GAS7: variants seen among roughly 807,000 people sequenced by gnomAD.
GAS7 encodes the protein growth arrest-specific protein 7.
A neutral mutation model predicts 71.1 loss-of-function variants in GAS7; 28 were observed. The observed-to-expected ratio is 0.39, with a 90% CI of 0.29 to 0.54. The LOEUF (loss-of-function observed/expected upper bound fraction) is 0.54, where lower values mean the gene tolerates loss of function less well. GAS7 is among the 20% of genes least tolerant of loss of function. The pLI is 0.62. For missense variants in GAS7, 436 were observed against 627.8 expected, an observed-to-expected ratio of 0.69 and a Z score of 3.27; for synonymous variants, 258 against 245.8, an observed-to-expected ratio of 1.05 and a Z score of -0.46.
chr17:10,123,620 T>C (rs543568028), intron 1 of GAS7, among the ~76,000 whole-genome samples: 1 of 152,334 alleles, frequency 6.6e-6, no homozygotes, highest in Admixed American at 6.5e-5. Flanking sequence ...CTGTTTATCA[T>C]CTCTCAGCAC....
chr17:10,011,972 T>C (rs1394586645), intron 2 of GAS7, among the ~76,000 whole-genome samples: 3 of 129,036 alleles, frequency 2.3e-5, no homozygotes, highest in East Asian at 2.2e-4. Flanking sequence ...TGAAACTCCA[T>C]CTCAAAAAAA....
At chr17:10,184,971 G>A (rs1230251086) in intron 1 of GAS7, among the ~76,000 whole-genome samples, 1 of 149,280 alleles carries the variant, frequency 6.7e-6, no homozygotes, top group African/African-American at 2.5e-5. Context: ...GTCTCACTCA[G>A]GCTGGAGTGC....
intron 1 of GAS7, among the ~76,000 whole-genome samples, chr17:10,165,167 C>A (rs2074284362): frequency 6.6e-6 from 1 of 151,350 alleles, no homozygotes; most frequent in South Asian, 2.1e-4. Context: ...TGGCGGGTGC[C>A]TGTAGTCCCA....
chr17:10,003,869 C>T (rs536599125), intron 2 of GAS7, among the ~76,000 whole-genome samples: 3 of 152,326 alleles, frequency 2.0e-5, no homozygotes, highest in African/African-American at 7.2e-5. Context: ...TCCTCCTACA[C>T]CTCTTGGATG....
intron 5 of GAS7, among the ~76,000 whole-genome samples, chr17:9,956,955 T>C (rs1470413724): frequency 6.6e-6 from 1 of 151,990 alleles, no homozygotes; most frequent in Non-Finnish European, 1.5e-5. Flanking sequence ...AGCGGTGTTG[T>C]GTGGAAGGGA....
rs140418893 is a variant in GAS7, at chr17:10,196,415, G to A, written c.183+1793C>T. Among the ~76,000 whole-genome samples, 145 of 152,322 alleles carry A rather than the reference G, an allele frequency of 9.5e-4. 1 individual carries two copies. The East Asian group carries it at 0.017, about 18-fold the overall frequency. ...GCAGGTGCTCAGAAGTATTGCTCAC[G>A]CAGATGGATGCTTCTGTTGCAAGTT... On this transcript the variant is annotated intron_variant, in intron 1 of 13. Coordinates refer to ENST00000432992, the MANE Select transcript of GAS7 (RefSeq NM_201433.2).
intron 2 of GAS7, among the ~76,000 whole-genome samples, chr17:9,988,529 C>T (rs557283441): frequency 6.6e-6 from 1 of 152,174 alleles, no homozygotes; most frequent in East Asian, 1.9e-4. Context: ...TTTTTCAATG[C>T]CTTCCAGTAC....
At chr17:10,016,203 G>A (rs778347031) in intron 2 of GAS7, among the ~76,000 whole-genome samples, 1 of 151,942 alleles carries the variant, frequency 6.6e-6, no homozygotes, top group Non-Finnish European at 1.5e-5. Flanking sequence ...GGCTAACACG[G>A]TGAAACCCCA....
intron 1 of GAS7, among the ~76,000 whole-genome samples, chr17:10,155,953 T>C (rs1257984540): frequency 6.6e-6 from 1 of 152,210 alleles, no homozygotes; most frequent in Non-Finnish European, 1.5e-5. Context: ...CACACAGGCA[T>C]GGATGAGCAA....
At chr17:10,197,056 G>A (rs2074545731) in intron 1 of GAS7, among the ~76,000 whole-genome samples, 1 of 152,094 alleles carries the variant, frequency 6.6e-6, no homozygotes, top group Non-Finnish European at 1.5e-5. Context: ...TTGTTCTCTG[G>A]ACCTGAAAGC....
At chr17:10,005,102 CATGT>C (rs920304760) in intron 2 of GAS7, among the ~76,000 whole-genome samples, 14 of 150,410 alleles carry the variant, frequency 9.3e-5, no homozygotes, top group African/African-American at 3.4e-4. Context: ...CGCATACATG[CATGT>C]GTGTGCGTGT....
chr17:9,913,058 G>C lies in GAS7; in HGVS notation c.*4170C>G, dbSNP rs558489021. ...TTGCCAGGGAAAGAGGGCAGGAGAA[G>C]GGAATTTTTTGGAGGGTTAAAAACA... On this transcript the variant is annotated 3_prime_UTR_variant, in exon 14 of 14. Coordinates refer to ENST00000432992, the MANE Select transcript of GAS7 (RefSeq NM_201433.2). 4.3e-6 allele frequency: 1 copy of C among 232,646 alleles called. No homozygotes were observed. Among genetic ancestry groups the C allele is most frequent in the East Asian group, 6.1e-5 (1 of 16,484 alleles). 14.4% of individuals were successfully genotyped at this position (232,646 alleles called of 1,614,324 possible). A position where few individuals can be genotyped will look rare whatever the true frequency, so the allele number is the denominator to read the frequency against.
intron 2 of GAS7, among the ~76,000 whole-genome samples, chr17:10,017,623 C>T (rs946396777): frequency 6.6e-6 from 1 of 152,200 alleles, no homozygotes; most frequent in Non-Finnish European, 1.5e-5. Context: ...GCCACCATGC[C>T]TGGCCAGAAC....
At chr17:10,197,178 C>T (rs1377653398) in intron 1 of GAS7, among the ~76,000 whole-genome samples, 1 of 152,130 alleles carries the variant, frequency 6.6e-6, no homozygotes, top group Non-Finnish European at 1.5e-5. Context: ...TTCCCCCCGC[C>T]CCCGATGAAT....
intron 1 of GAS7, among the ~76,000 whole-genome samples, chr17:10,080,126 G>C (rs1304130285): frequency 1.3e-5 from 2 of 152,142 alleles, no homozygotes; most frequent in South Asian, 2.1e-4. Context: ...GGTAGAACAG[G>C]CTGTGCCAAA....
chr17:9,965,745 T>C (rs996601102), intron 4 of GAS7, among the ~76,000 whole-genome samples: 2 of 152,180 alleles, frequency 1.3e-5, no homozygotes, highest in African/African-American at 4.8e-5. Context: ...GTGGGCTGCA[T>C]TTACCCAGTA....
intron 1 of GAS7, among the ~76,000 whole-genome samples, chr17:10,131,058 T>C (rs1433875658): frequency 6.6e-6 from 1 of 152,184 alleles, no homozygotes; most frequent in African/African-American, 2.4e-5. Flanking sequence ...TCTTGCTGAG[T>C]TTGCTATTAC....
intron 5 of GAS7, among the ~76,000 whole-genome samples, chr17:9,954,769 C>T (rs569577767): frequency 3.1e-4 from 47 of 152,250 alleles, no homozygotes; most frequent in African/African-American, 1.1e-3. Context: ...CAACAAAGTG[C>T]TATCCAACCC....
chr17:10,021,994 A>G, intron 1 of GAS7, among the ~76,000 whole-genome samples: 1 of 152,304 alleles, frequency 6.6e-6, no homozygotes, highest in Middle Eastern at 3.4e-3. Context: ...GCAATGTCTC[A>G]CGCTTGTAAT....
Sources: allele counts gnomAD v4.1 joint callset (sites outside exome capture counted in the v4.1 genomes callset), GRCh38; gene constraint gnomAD v4.1.1; transcripts MANE v1.5; gene names NCBI Gene and HGNC (gene_info 2026-07-23, HGNC 2026-07-21).